The following DLGAP1 variants were observed in gnomAD, a reference collection of about 807,000 sequenced individuals.
DLGAP1 encodes the protein disks large-associated protein 1.
DLGAP1 carries 11 observed loss-of-function variants against 90.8 expected under a neutral mutation model. The ratio of observed to expected loss-of-function variants is 0.12; its 90% CI spans 0.08 to 0.20. The LOEUF (loss-of-function observed/expected upper bound fraction) is 0.20. Ranked by LOEUF, DLGAP1 falls within the 10% of genes least tolerant of loss-of-function variation. The pLI is 1.00. For missense variants in DLGAP1, 1,050 were observed against 1,333.8 expected (o/e 0.79, Z 3.31); for synonymous variants, 558 against 540.7 (o/e 1.03, Z -0.44).
At chr18:3,765,119 T>C (rs1322964182) in intron 5 of DLGAP1, among the ~76,000 whole-genome samples, 1 of 134,292 alleles carries the variant, frequency 7.4e-6, no homozygotes, top group African/African-American at 3.0e-5. Context: ...CTTGCAAACT[T>C]TTTTTTTTTT....
At chr18:3,600,869 T>G (rs1599465106) in intron 7 of DLGAP1, among the ~76,000 whole-genome samples, 1 of 77,866 alleles carries the variant, frequency 1.3e-5, no homozygotes, top group Non-Finnish European at 2.4e-5. Flanking sequence ...TATATAGATA[T>G]ATAGATATAT....
chr18:4,009,308 T>C (rs1049003127), intron 2 of DLGAP1, among the ~76,000 whole-genome samples: 6 of 152,226 alleles, frequency 3.9e-5, no homozygotes, highest in African/African-American at 1.4e-4. Flanking sequence ...CTTTCCCGTC[T>C]GGCATCACTA....
chr18:4,356,357 C>T (rs1567857591), intron 1 of DLGAP1, among the ~76,000 whole-genome samples: 2 of 152,126 alleles, frequency 1.3e-5, no homozygotes, highest in Admixed American at 6.6e-5. Flanking sequence ...ATCTAACAGC[C>T]ACTGCAAATC....
intron 2 of DLGAP1, among the ~76,000 whole-genome samples, chr18:4,081,564 AAAGT>A (rs1023771236): frequency 1.8e-4 from 28 of 152,178 alleles, no homozygotes; most frequent in African/African-American, 6.8e-4. Flanking sequence ...TCTCTCTCGC[AAAGT>A]AAGGGATGAA....
chr18:3,879,274 C>A lies in DLGAP1; in HGVS notation c.795G>T (p.Leu265=). The A allele has an allele frequency of 6.3e-7, 1 of 1,595,394 alleles. No homozygotes were observed. The highest frequency in any genetic ancestry group is 8.5e-7 in the Non-Finnish European group (1 of 1,170,464). ...NDVKCSTCAN[L]PVSLDTPLLK... ...GCAGCGGGGTGTCCAGGCTGACCGGCAGGTTGGCGCAGGTGGAGCACTTGA... is the reference window on the plus strand; with the variant it reads ...GCAGCGGGGTGTCCAGGCTGACCGGAAGGTTGGCGCAGGTGGAGCACTTGA... Residue 265 remains leucine, a synonymous_variant, in exon 4 of 13, where the codon CTG becomes CTT. Transcript: ENST00000315677. The surrounding 1 kb of genome is among the most constrained non-coding windows in gnomAD (Gnocchi z 6.6).
intron 1 of DLGAP1, among the ~76,000 whole-genome samples, chr18:4,153,007 G>A (rs2076699764): frequency 6.6e-6 from 1 of 152,134 alleles, no homozygotes; most frequent in South Asian, 2.1e-4. Flanking sequence ...CTGCTAGATA[G>A]TACTCTTAAT....
chr18:3,523,787 G>A (rs1265638212), intron 10 of DLGAP1, among the ~76,000 whole-genome samples: 1 of 151,204 alleles, frequency 6.6e-6, no homozygotes, highest in Non-Finnish European at 1.5e-5. Context: ...GGCGGAGCTT[G>A]CAGTGAGCTG....
intron 1 of DLGAP1, among the ~76,000 whole-genome samples, chr18:4,389,236 T>C (rs1045886769): frequency 3.3e-5 from 5 of 152,204 alleles, no homozygotes; most frequent in South Asian, 4.1e-4. Context: ...GAGAACATTA[T>C]ACTAAGTAAA....
chr18:3,885,612 A>G (rs2071290529), intron 3 of DLGAP1, among the ~76,000 whole-genome samples: 1 of 152,226 alleles, frequency 6.6e-6, no homozygotes, highest in Admixed American at 6.5e-5. Context: ...TTGAGCAAGG[A>G]TGGGGACTGT....
chr18:4,062,609 A>C (rs1240768390), intron 2 of DLGAP1, among the ~76,000 whole-genome samples: 1 of 152,206 alleles, frequency 6.6e-6, no homozygotes, highest in East Asian at 1.9e-4. Context: ...AAAGAAACTT[A>C]TATGGCAAAT....
intron 2 of DLGAP1, among the ~76,000 whole-genome samples, chr18:4,100,542 T>A (rs2075763528): frequency 6.6e-6 from 1 of 152,178 alleles, no homozygotes; most frequent in African/African-American, 2.4e-5. Flanking sequence ...GGCTTCAACT[T>A]AAAGTCACCA....
chr18:4,398,147 A>G (rs528364983), intron 1 of DLGAP1, among the ~76,000 whole-genome samples: 1 of 152,290 alleles, frequency 6.6e-6, no homozygotes, highest in African/African-American at 2.4e-5. Context: ...GTTCAGAGCC[A>G]CAGGCCACAT....
chr18:3,709,748 G>A (rs1457683937), intron 7 of DLGAP1, among the ~76,000 whole-genome samples: 3 of 152,146 alleles, frequency 2.0e-5, no homozygotes, highest in Non-Finnish European at 2.9e-5. Context: ...CCCTGCACCC[G>A]GGGTTTGGCA....
chr18:4,088,978 A>G (rs142103952), intron 2 of DLGAP1, among the ~76,000 whole-genome samples: 235 of 152,306 alleles, frequency 1.5e-3, no homozygotes, highest in African/African-American at 5.4e-3. Flanking sequence ...AAAGCAATAA[A>G]GCGTATTTAA....
At chr18:3,708,470 C>T (rs746886123) in intron 7 of DLGAP1, 51 of 456,526 alleles carry the variant, frequency 1.1e-4, no homozygotes, top group South Asian at 1.1e-4. Flanking sequence ...CCTACCCTAG[C>T]GCCCAGGATT....
At chr18:3,600,887 T>TATATAGATATATATAGATATATAGATAG (rs1568279012) in intron 7 of DLGAP1, among the ~76,000 whole-genome samples, 1 of 127,204 alleles carries the variant, frequency 7.9e-6, no homozygotes, top group Non-Finnish European at 1.6e-5. Flanking sequence ...TATAGATAGA[T>TATATAGATATATATAGATATATAGATAG]ATATAGATAT....
chr18:3,869,918 AAC>A (rs1464966638), intron 4 of DLGAP1, among the ~76,000 whole-genome samples: 2 of 152,246 alleles, frequency 1.3e-5, no homozygotes, highest in African/African-American at 2.4e-5. Flanking sequence ...ACCTGAAGCA[AAC>A]ACAGTCATAT....
At chr18:3,511,283 TTTTTG>T (rs145837331) in intron 10 of DLGAP1, among the ~76,000 whole-genome samples, 147,788 of 151,542 alleles carry the variant, frequency 0.98, 72,131 homozygotes, top group Non-Finnish European at 1. Flanking sequence ...ATGGAGGTTT[TTTTTG>T]TTTTGTTTTG....
chr18:4,106,822 C>A (rs2075877033), intron 2 of DLGAP1, among the ~76,000 whole-genome samples: 1 of 152,148 alleles, frequency 6.6e-6, no homozygotes, highest in Non-Finnish European at 1.5e-5. Flanking sequence ...GTCAAGACAT[C>A]CAGATTCACC....
Sources: allele counts gnomAD v4.1 joint callset (sites outside exome capture counted in the v4.1 genomes callset), GRCh38; gene constraint gnomAD v4.1.1; non-coding constraint Gnocchi (gnomAD v3.1); transcripts MANE v1.5; gene names NCBI Gene and HGNC (gene_info 2026-07-23, HGNC 2026-07-21).